DDX60: variants seen among roughly 807,000 people sequenced by gnomAD.
DDX60 encodes probable ATP-dependent RNA helicase DDX60.
A neutral mutation model predicts 212.8 loss-of-function variants in DDX60; 165 were observed. The observed-to-expected ratio is 0.78, with a 90% confidence interval of 0.68 to 0.88. The LOEUF is 0.88. Among genes scored for constraint, DDX60 ranks in the 40% least tolerant of loss-of-function variants. The pLI, the probability that DDX60 is intolerant of heterozygous loss-of-function variation, is 0.00. For missense variants in DDX60, 1,905 were observed against 2,003.9 expected (o/e 0.95, Z 0.94); for synonymous variants, 703 against 685.3 (o/e 1.03, Z -0.40).
At chr4:168,230,818 A>G (rs1208946153) in intron 33 of DDX60, among the ~76,000 whole-genome samples, 2 of 152,150 alleles carry the variant, frequency 1.3e-5, no homozygotes, top group Admixed American at 6.6e-5. Context: ...AACCCAGCAG[A>G]AGAAAAGAAA....
intron 14 of DDX60, among the ~76,000 whole-genome samples, chr4:168,278,514 G>T (rs1259939927): frequency 2.6e-5 from 4 of 152,102 alleles, no homozygotes; most frequent in Non-Finnish European, 2.9e-5. Context: ...AATAGGTTTG[G>T]ACTGAAAAAT....
At chr4:168,286,431 T>TAGATAGAC (rs745674382) in intron 10 of DDX60, among the ~76,000 whole-genome samples, 2 of 55,576 alleles carry the variant, frequency 3.6e-5, no homozygotes, top group South Asian at 1.2e-3. Flanking sequence ...ACGAGATAGA[T>TAGATAGAC]AGATAGATAG....
At chr4:168,286,439 TAG>T (rs1735861643) in intron 10 of DDX60, among the ~76,000 whole-genome samples, 1 of 122,316 alleles carries the variant, frequency 8.2e-6, no homozygotes, top group African/African-American at 3.4e-5. Context: ...GATAGATAGA[TAG>T]ATAGATAGAT....
intron 34 of DDX60, among the ~76,000 whole-genome samples, chr4:168,225,316 C>A (rs1301140889): frequency 6.6e-6 from 1 of 152,048 alleles, no homozygotes; most frequent in Non-Finnish European, 1.5e-5. Context: ...CAGCATTTAA[C>A]AAGATGGTTA....
chr4:168,280,583 T>A lies in DDX60; in HGVS notation c.1730A>T (p.Lys577Met), dbSNP rs1360983141. 6.2e-7 allele frequency: 1 copy of A among 1,608,988 alleles called. No individual in the cohort carries two copies. The highest frequency in any genetic ancestry group is 8.5e-7 in the Non-Finnish European group (1 of 1,178,302). The stretch of plus-strand genomic sequence containing the variant: ...ATTCTCTCTAGCAATTATTTCAGCC[T>A]TGGTCTCCTGCCCCAAAGGAAAAAA... ...GPKSKKAHET[K>M]AEIIARENKK... The change falls in exon 14 of 38, where the codon AAG (lysine) becomes ATG (methionine). Residue 577 changes from lysine (K) to methionine (M), a missense_variant. Lys to Met is a moderately conservative substitution (Grantham distance 95). Coordinates refer to ENST00000393743, the MANE Select transcript of DDX60 (RefSeq NM_017631.6).
intron 6 of DDX60, among the ~76,000 whole-genome samples, chr4:168,297,647 T>A (rs4259028): frequency 6.6e-6 from 1 of 151,906 alleles, no homozygotes; most frequent in Admixed American, 6.5e-5. Context: ...CTGGGCCAGG[T>A]GCGGTGGCTC....
At chr4:168,238,416 AGG>A (rs1733711188) in intron 30 of DDX60, among the ~76,000 whole-genome samples, 6 of 74,604 alleles carry the variant, frequency 8.0e-5, no homozygotes, top group African/African-American at 2.4e-4. Context: ...AGGGGAGGAG[AGG>A]GGAGGGAAGG....
In DDX60 at chr4:168,255,852, A is replaced by G. The variant is rs750896673; in HGVS notation, c.3416T>C (p.Val1139Ala). 2.5e-6 allele frequency: 4 copies of G among 1,580,852 alleles called. No homozygotes were observed. Among genetic ancestry groups the G allele is most frequent in the Non-Finnish European group, 3.4e-6 (4 of 1,170,942 alleles). The change falls in exon 26 of 38, where the codon GTA (valine) becomes GCA (alanine). Residue 1139 changes from valine (V) to alanine (A), a missense_variant. By Grantham distance (64) the Val-to-Ala change is moderately conservative. Coordinates refer to ENST00000393743, the MANE Select transcript of DDX60 (RefSeq NM_017631.6). Reference sequence around the variant, plus strand: ...GCTCACACTTTCAGCTGCGTTTTCTACAGCTCCTAACTTGAATCTGGAAAT... The same window carrying G: ...GCTCACACTTTCAGCTGCGTTTTCTGCAGCTCCTAACTTGAATCTGGAAAT... ...ALFFLFKLGA[V>A]ENAAESVSTF...
intron 10 of DDX60, among the ~76,000 whole-genome samples, chr4:168,286,408 A>G (rs926337026): frequency 2.3e-5 from 3 of 128,318 alleles, no homozygotes; most frequent in Non-Finnish European, 4.8e-5. Context: ...ACACACACAC[A>G]CACACACACC....
chr4:168,229,324 G>A (rs1448938902), intron 33 of DDX60, among the ~76,000 whole-genome samples: 2 of 152,054 alleles, frequency 1.3e-5, no homozygotes, highest in African/African-American at 4.8e-5. Context: ...TAGGTGTAGA[G>A]GAAGCAGTGG....
chr4:168,239,726 TG>T (rs2080299413), intron 30 of DDX60, among the ~76,000 whole-genome samples: 1 of 152,004 alleles, frequency 6.6e-6, no homozygotes. Context: ...GGAATGTGCC[TG>T]GGGTGTTCAT....
At chr4:168,260,444 G>T (rs1278880664) in intron 25 of DDX60, among the ~76,000 whole-genome samples, 2 of 152,154 alleles carry the variant, frequency 1.3e-5, no homozygotes, top group Non-Finnish European at 1.5e-5. Context: ...AGGGAACTTT[G>T]TATAACACCC....
the DDX60 span, among the ~76,000 whole-genome samples, chr4:168,323,919 T>C: frequency 3.9e-5 from 6 of 152,214 alleles, no homozygotes; most frequent in Admixed American, 2.0e-4. Flanking sequence ...GGATGGAAAG[T>C]CGCCACATTC....
intron 26 of DDX60, among the ~76,000 whole-genome samples, chr4:168,253,790 G>A (rs182424490): frequency 6.6e-6 from 1 of 152,244 alleles, no homozygotes; most frequent in African/African-American, 2.4e-5. Flanking sequence ...AATCTACCTA[G>A]AAGACTCCTC....
At chr4:168,272,649 A>C (rs1735154114) in intron 18 of DDX60, among the ~76,000 whole-genome samples, 1 of 152,182 alleles carries the variant, frequency 6.6e-6, no homozygotes, top group South Asian at 2.1e-4. Context: ...CGCTGCTTAT[A>C]CTTCTACTTA....
intron 27 of DDX60, among the ~76,000 whole-genome samples, chr4:168,251,965 C>CTCATTTTTAATTTTA (rs978543952): frequency 6.6e-6 from 1 of 152,166 alleles, no homozygotes; most frequent in African/African-American, 2.4e-5. Context: ...GAGTAATTTG[C>CTCATTTTTAATTTTA]ATTTTAAAAG....
At position 168,293,843 on chromosome 4, in the gene DDX60, G is replaced by A. The variant is rs558672242; in HGVS notation, c.826C>T (p.His276Tyr). 2.4e-5 allele frequency: 39 copies of A among 1,613,638 alleles called. No individual in the cohort carries two copies. The South Asian group carries it at 3.7e-4, about 15-fold the overall frequency. Residue 276 changes from histidine (H) to tyrosine (Y), a missense_variant, in exon 7 of 38, where the codon CAT becomes TAT. Transcript: ENST00000393743. ...TSCSLSLRMY[H>Y]RFLGNREPSS... ...GGCTCTCTGTTTCCTAAAAAGCGAT[G>A]GTACATTCTCAAAGATAATGAGCAT...
At chr4:168,306,858 A>G (rs1017527496) in intron 4 of DDX60, 138 bp from the exon 5 acceptor site, 34 of 646,416 alleles carry the variant, frequency 5.3e-5, no homozygotes, top group Admixed American at 1.2e-4. Context: ...ATAGACCCCT[A>G]AACTTTACTA....
chr4:168,238,340 T>C (rs958541792), intron 30 of DDX60, among the ~76,000 whole-genome samples: 2 of 132,416 alleles, frequency 1.5e-5, no homozygotes, highest in Admixed American at 8.6e-5. Context: ...CTACTTACTA[T>C]AAGGTTAATG....
Sources: allele counts gnomAD v4.1 joint callset (sites outside exome capture counted in the v4.1 genomes callset), GRCh38; gene constraint gnomAD v4.1.1; transcripts MANE v1.5; gene names NCBI Gene and HGNC (gene_info 2026-07-23, HGNC 2026-07-21).